The following ADGRB3 variants were observed in gnomAD, a reference collection of about 807,000 sequenced individuals.
ADGRB3 encodes adhesion G protein-coupled receptor B3, also known as brain-specific angiogenesis inhibitor 3.
ADGRB3 carries 37 observed loss-of-function variants against 193.4 expected under a neutral mutation model. That is an observed-to-expected ratio of 0.19 (90% confidence interval 0.15 to 0.25). ADGRB3 has a LOEUF of 0.25. ADGRB3 is among the 10% of genes least tolerant of loss of function. The pLI, the probability that ADGRB3 is intolerant of heterozygous loss-of-function variation, is 1.00. For missense variants in ADGRB3, 1,637 were observed against 1,852.9 expected, an observed-to-expected ratio of 0.88 and a Z score of 2.14; for synonymous variants, 690 against 644.2, an observed-to-expected ratio of 1.07 and a Z score of -1.08.
chr6:69,106,827 C>A (rs576249504), intron 17 of ADGRB3, among the ~76,000 whole-genome samples: 1 of 152,278 alleles, frequency 6.6e-6, no homozygotes, highest in South Asian at 2.1e-4. Flanking sequence ...TAACTGAAGG[C>A]AAATCACAGC....
In ADGRB3 at chr6:68,968,289, A is replaced by T. The variant is rs956976814; in HGVS notation, c.1526-6474A>T. On this transcript the variant is annotated intron_variant, in intron 8 of 31. Transcript: ENST00000370598. ...TGCAATGACCACATTTTCTAACTAC[A>T]CATTTGACCGTGGGGGAGGGGCAGG... Among the ~76,000 whole-genome samples the T allele has an allele frequency of 2.0e-5, 3 of 152,100 alleles. No homozygotes were observed. The South Asian group carries it at 6.2e-4, about 32-fold the overall frequency.
At chr6:68,852,197 T>C (rs531227024) in intron 3 of ADGRB3, among the ~76,000 whole-genome samples, 1 of 152,018 alleles carries the variant, frequency 6.6e-6, no homozygotes, top group South Asian at 2.1e-4. Flanking sequence ...TACGTTTTAA[T>C]CATGAGTGTC....
intron 13 of ADGRB3, among the ~76,000 whole-genome samples, chr6:69,039,069 CACTT>C (rs1364545931): frequency 6.6e-6 from 1 of 152,132 alleles, no homozygotes; most frequent in East Asian, 1.9e-4. Context: ...CCCCATTAGT[CACTT>C]AGTAGCCAGC....
At chr6:68,961,168 A>C (rs902805940) in intron 8 of ADGRB3, among the ~76,000 whole-genome samples, 1 of 152,188 alleles carries the variant, frequency 6.6e-6, no homozygotes, top group Admixed American at 6.6e-5. Flanking sequence ...CAGTCATTTA[A>C]AGAAAAATAG....
chr6:69,305,044 A>C (rs945756002), intron 20 of ADGRB3, among the ~76,000 whole-genome samples: 9 of 151,502 alleles, frequency 5.9e-5, no homozygotes, highest in Non-Finnish European at 1.3e-4. Flanking sequence ...ATGTTACTCT[A>C]TTTGAGCCTC....
intron 3 of ADGRB3, among the ~76,000 whole-genome samples, chr6:68,774,661 A>G (rs1766704356): frequency 6.6e-6 from 1 of 151,966 alleles, no homozygotes; most frequent in Non-Finnish European, 1.5e-5. Context: ...TCTGTTCAGA[A>G]GAAGGTAATG....
At chr6:68,782,521 A>G (rs1766875818) in intron 3 of ADGRB3, among the ~76,000 whole-genome samples, 1 of 152,048 alleles carries the variant, frequency 6.6e-6, no homozygotes, top group Non-Finnish European at 1.5e-5. Flanking sequence ...TGATATTTCT[A>G]GTTCTAGATC....
intron 17 of ADGRB3, among the ~76,000 whole-genome samples, chr6:69,188,453 C>A (rs1439680865): frequency 6.6e-6 from 1 of 152,070 alleles, no homozygotes; most frequent in African/African-American, 2.4e-5. Context: ...GGATTACAGG[C>A]ACCCTCCACC....
intron 3 of ADGRB3, among the ~76,000 whole-genome samples, chr6:68,822,823 T>C (rs1767770792): frequency 6.6e-6 from 1 of 152,032 alleles, no homozygotes; most frequent in Admixed American, 6.6e-5. Flanking sequence ...TCTCTAGTCA[T>C]GAATGTTAGT....
At chr6:69,266,116 T>C (rs1444350142) in intron 20 of ADGRB3, among the ~76,000 whole-genome samples, 1 of 152,056 alleles carries the variant, frequency 6.6e-6, no homozygotes, top group East Asian at 1.9e-4. Context: ...ATTTTGGTTT[T>C]ATTCTGCTTG....
At chr6:69,075,538 C>T (rs1477458437) in intron 16 of ADGRB3, among the ~76,000 whole-genome samples, 1 of 152,084 alleles carries the variant, frequency 6.6e-6, no homozygotes, top group East Asian at 1.9e-4. Flanking sequence ...TCTCTTATCT[C>T]TAGGAAACAT....
rs948781174 is a variant in ADGRB3 at position 68,865,550 on chromosome 6, A to G, written c.758-65009A>G. ...TGAAAGTTCAAGATCATACTAAAAC[A>G]TTAGCCCTCAGCCATCTTCAGCCCT... On this transcript the variant is annotated intron_variant, in intron 3 of 31. Coordinates refer to ENST00000370598, the MANE Select transcript of ADGRB3 (RefSeq NM_001704.3). Among the ~76,000 whole-genome samples, 12 of 152,268 alleles carry G rather than the reference A, an allele frequency of 7.9e-5. No homozygotes were observed. In the East Asian group the frequency reaches 2.1e-3, roughly 27 times the overall value.
chr6:69,036,289 T>C (rs1328265840), intron 13 of ADGRB3, among the ~76,000 whole-genome samples: 1 of 152,108 alleles, frequency 6.6e-6, no homozygotes, highest in African/African-American at 2.4e-5. Context: ...TAATGAAAGG[T>C]TACTGATTTT....
chr6:68,891,842 A>T (rs964931098), intron 3 of ADGRB3, among the ~76,000 whole-genome samples: 1 of 152,148 alleles, frequency 6.6e-6, no homozygotes, highest in Non-Finnish European at 1.5e-5. Flanking sequence ...GTGAGGAATG[A>T]AGATGACAGA....
At chr6:68,864,659 G>T (rs932699210) in intron 3 of ADGRB3, among the ~76,000 whole-genome samples, 3 of 152,126 alleles carry the variant, frequency 2.0e-5, no homozygotes, top group Non-Finnish European at 2.9e-5. Context: ...TCTGCTAATT[G>T]ATACTAATTA....
intron 3 of ADGRB3, among the ~76,000 whole-genome samples, chr6:68,650,508 C>T (rs1405160566): frequency 1.3e-5 from 2 of 151,696 alleles, no homozygotes; most frequent in Admixed American, 6.6e-5. Flanking sequence ...CTTCAAGGCT[C>T]CCATATAAAA....
chr6:69,243,053 T>C (rs932131339), intron 20 of ADGRB3, among the ~76,000 whole-genome samples: 1 of 151,904 alleles, frequency 6.6e-6, no homozygotes, highest in Non-Finnish European at 1.5e-5. Context: ...TTTAAGGATT[T>C]AAAGAATTTA....
rs556073203 is a variant in ADGRB3, at chr6:69,337,878, AC to A, written c.3189-1037del. Among the ~76,000 whole-genome samples, 509 of 152,214 alleles carry A rather than the reference AC, an allele frequency of 3.3e-3. 2 individuals carry two copies. Among genetic ancestry groups the A allele is most frequent in the African/African-American group, 0.011 (477 of 41,528 alleles). ...CTTTTTTTATACACATAGTAATGCA[AC>A]TCCGCTATAAGATTCTTTAAGAAAA... On this transcript the variant is annotated intron_variant, in intron 24 of 31. Coordinates refer to ENST00000370598, the MANE Select transcript of ADGRB3 (RefSeq NM_001704.3).
intron 3 of ADGRB3, among the ~76,000 whole-genome samples, chr6:68,680,018 G>T (rs1180002240): frequency 1.3e-5 from 2 of 152,094 alleles, no homozygotes; most frequent in Non-Finnish European, 2.9e-5. Flanking sequence ...TACAAAAGTG[G>T]ACTGAGAGAG....
Sources: gnomAD v4.1 joint callset for allele counts (sites outside exome capture counted in the v4.1 genomes callset) on GRCh38, gnomAD v4.1.1 for gene constraint, MANE v1.5 for transcripts, NCBI Gene and HGNC (gene_info 2026-07-23, HGNC 2026-07-21) for gene names.